ZNF25: variants seen among roughly 807,000 people sequenced by gnomAD.
The protein encoded by ZNF25 is zinc finger protein 25.
A neutral mutation model predicts 30.9 loss-of-function variants in ZNF25; 21 were observed. That is an observed-to-expected ratio of 0.68 (90% CI 0.48 to 0.98). The LOEUF is 0.98. Among genes scored for constraint, ZNF25 ranks in the 50% least tolerant of loss-of-function variants. The probability of loss-of-function intolerance (pLI) is 0.00; values close to 1 mark genes in which losing one functional copy is unlikely to be tolerated. For synonymous variants in ZNF25, 169 were observed against 181.3 expected, an observed-to-expected ratio of 0.93 and a Z score of 0.55; for missense variants, 501 against 529.9, an observed-to-expected ratio of 0.95 and a Z score of 0.54.
intron 4 of ZNF25, among the ~76,000 whole-genome samples, chr10:37,955,704 G>GAGTCTC (rs1341462759): frequency 6.6e-6 from 1 of 152,094 alleles, no homozygotes; most frequent in African/African-American, 2.4e-5. Flanking sequence ...TCATGAACAT[G>GAGTCTC]AGTCTCACTG....
intron 2 of ZNF25, among the ~76,000 whole-genome samples, chr10:37,961,922 CA>C (rs71533129): frequency 0.017 from 666 of 39,074 alleles, no homozygotes; most frequent in East Asian, 0.028. Context: ...AACTCCATCT[CA>C]AAAAAAAAAA....
chr10:37,972,384 A>C (rs967056395), intron 1 of ZNF25, among the ~76,000 whole-genome samples: 3 of 152,206 alleles, frequency 2.0e-5, no homozygotes, highest in South Asian at 2.1e-4. Context: ...TGATTGTCTT[A>C]GTTTCAATGC....
At chr10:37,970,570 G>A (rs936589577) in intron 2 of ZNF25, among the ~76,000 whole-genome samples, 2 of 152,136 alleles carry the variant, frequency 1.3e-5, no homozygotes, top group African/African-American at 4.8e-5. Context: ...GTTTCATTAT[G>A]TACATTCCTT....
chr10:37,954,038 AGAG>A (rs1292955147), intron 4 of ZNF25, among the ~76,000 whole-genome samples: 1 of 152,204 alleles, frequency 6.6e-6, no homozygotes, highest in African/African-American at 2.4e-5. Flanking sequence ...AAGAACCGGG[AGAG>A]GAGAACATAG....
At chr10:37,975,410 A>T (rs1307584217) in intron 1 of ZNF25, among the ~76,000 whole-genome samples, 3 of 151,794 alleles carry the variant, frequency 2.0e-5, no homozygotes. Flanking sequence ...TAAAATAAGC[A>T]GCAAAAACCA....
rs529904267 is a variant in ZNF25, at chr10:37,973,513, G to A, written c.-85-1706C>T. ...GCACTCCTATAATCCCAGCTACTCG[G>A]GAGGTTGAGGCAGGAGAATCGCTTG... On this transcript the variant is annotated intron_variant, in intron 1 of 5. Transcript: ENST00000302609. Among the ~76,000 whole-genome samples the A allele has an allele frequency of 1.5e-4, 22 of 151,502 alleles. 1 individual carries two copies. Among genetic ancestry groups the A allele is most frequent in the African/African-American group, 4.8e-4 (20 of 41,304 alleles).
At chr10:37,973,950 A>C (rs2063649392) in intron 1 of ZNF25, among the ~76,000 whole-genome samples, 1 of 152,234 alleles carries the variant, frequency 6.6e-6, no homozygotes, top group Non-Finnish European at 1.5e-5. Context: ...TCAATGAAAA[A>C]GAGAATTGAG....
At chr10:37,959,956 C>T (rs573976657) in intron 2 of ZNF25, among the ~76,000 whole-genome samples, 38 of 151,922 alleles carry the variant, frequency 2.5e-4, no homozygotes, top group Middle Eastern at 3.4e-3. Flanking sequence ...GCTCTGTCAC[C>T]CAGGCTGGAG....
At chr10:37,956,245 A>AT (rs1426666429) in intron 4 of ZNF25, among the ~76,000 whole-genome samples, 12 of 152,204 alleles carry the variant, frequency 7.9e-5, no homozygotes, top group Non-Finnish European at 1.6e-4. Context: ...CAGCATACCG[A>AT]TTTTTAATCT....
At chr10:37,969,300 T>G (rs897224915) in intron 2 of ZNF25, among the ~76,000 whole-genome samples, 4 of 152,154 alleles carry the variant, frequency 2.6e-5, no homozygotes, top group Non-Finnish European at 1.5e-5. Context: ...TGAAAATAGG[T>G]ATCAAATACT....
chr10:37,969,517 G>A (rs1590312487), intron 2 of ZNF25, among the ~76,000 whole-genome samples: 1 of 152,250 alleles, frequency 6.6e-6, no homozygotes, highest in South Asian at 2.1e-4. Context: ...GATACAAAAG[G>A]TCACCTAATG....
intron 5 of ZNF25, 148 bp from the exon 6 acceptor site, chr10:37,953,343 T>C (rs2062298947): frequency 1.4e-6 from 1 of 737,254 alleles, no homozygotes; most frequent in Non-Finnish European, 2.2e-6. Context: ...GTTTCTCCAC[T>C]GTGAGCATTC....
intron 2 of ZNF25, among the ~76,000 whole-genome samples, chr10:37,965,408 TAA>T (rs1473521800): frequency 6.6e-6 from 1 of 152,186 alleles, no homozygotes; most frequent in African/African-American, 2.4e-5. Flanking sequence ...CTCCAGTCAT[TAA>T]GATTAATCCA....
chr10:37,966,492 G>C (rs1438699871), intron 2 of ZNF25, among the ~76,000 whole-genome samples: 1 of 152,088 alleles, frequency 6.6e-6, no homozygotes, highest in East Asian at 1.9e-4. Context: ...GGTTCCACAG[G>C]CTGCGCAGGA....
Position 37,952,892 on chromosome 10 carries a change from A to G in ZNF25, c.606T>C (p.Tyr202=). 1 of 1,614,198 alleles carries G rather than the reference A, an allele frequency of 6.2e-7. No homozygotes were observed. The highest frequency in any genetic ancestry group is 8.5e-7 in the Non-Finnish European group (1 of 1,180,026). Residue 202 remains tyrosine (Y), a synonymous_variant, in exon 6 of 6, where the codon TAT becomes TAC. Coordinates refer to ENST00000302609, the MANE Select transcript of ZNF25 (RefSeq NM_145011.4). ...AGGATTTTTCACACTGATTACATTC[A>G]TAGGGTTTCTCTCCTGCATGGGTTC... ...HLRTHAGEKP[Y]ECNQCEKSFY...
At position 37,952,483 on chromosome 10, in the gene ZNF25, C is replaced by T; in HGVS notation, c.1015G>A (p.Glu339Lys). 6.2e-7 allele frequency: 1 copy of T among 1,614,018 alleles called. No individual in the cohort carries two copies. Residue 339 changes from glutamate (E) to lysine (K), a missense_variant, in exon 6 of 6, where the codon GAG becomes AAG. Coordinates refer to ENST00000302609, the MANE Select transcript of ZNF25 (RefSeq NM_145011.4). ...LTVHQRTHTG[E>K]KPFECNKCGK... ...CATTTATTACATTCAAAGGGTTTCT[C>T]CCCTGTGTGAGTTCGCTGATGTACT...
intron 2 of ZNF25, among the ~76,000 whole-genome samples, chr10:37,970,876 G>T (rs1177354644): frequency 6.6e-6 from 1 of 152,158 alleles, no homozygotes. Context: ...TTATATTTTA[G>T]GGTAGCATTG....
Position 37,952,720 on chromosome 10 carries a change from A to C in ZNF25, c.778T>G (p.Cys260Gly). The change falls in exon 6 of 6, where the codon TGT (cysteine) becomes GGT (glycine). Residue 260 changes from cysteine (C) to glycine (G), a missense_variant. Coordinates refer to ENST00000302609, the MANE Select transcript of ZNF25 (RefSeq NM_145011.4). The part of the protein sequence containing the change: ...KTHTGEKPYE[C>G]KECGKAFSQK... ...GAAAAGGCTTTCCCACACTCCTTACACTCATAGGGTTTCTCCCCTGTGTGT... is the reference window on the plus strand; with the variant it reads ...GAAAAGGCTTTCCCACACTCCTTACCCTCATAGGGTTTCTCCCCTGTGTGT... The C allele has an allele frequency of 6.2e-7, 1 of 1,613,878 alleles. No homozygotes were observed. The highest frequency in any genetic ancestry group is 8.5e-7 in the Non-Finnish European group (1 of 1,179,956).
rs1018454345 is a variant in ZNF25, at chr10:37,953,614, T to C, written c.302+81A>G. 1.1e-5 allele frequency: 15 copies of C among 1,304,702 alleles called. No homozygotes were observed. In the African/African-American group the frequency reaches 1.9e-4, roughly 16 times the overall value. 80.8% of individuals were successfully genotyped at this position (1,304,702 alleles called of 1,614,324 possible). A position where few individuals can be genotyped will look rare whatever the true frequency, so the allele number is the denominator to read the frequency against. On this transcript the variant is annotated intron_variant, in intron 5 of 5. Coordinates refer to ENST00000302609, the MANE Select transcript of ZNF25 (RefSeq NM_145011.4). ...TAGTTTTCTCACGTTTAGTATTAAC[T>C]AGTGCCCTCCCATTTCTAGTAACTC... is the stretch of plus-strand genomic sequence containing the variant.
Sources: allele counts gnomAD v4.1 joint callset (sites outside exome capture counted in the v4.1 genomes callset), GRCh38; gene constraint gnomAD v4.1.1; transcripts MANE v1.5; gene names NCBI Gene and HGNC (gene_info 2026-07-23, HGNC 2026-07-21).